GPC5: variants seen among roughly 807,000 people sequenced by gnomAD.
GPC5 encodes glypican 5.
In GPC5, 47 loss-of-function variants were observed where a neutral mutation model predicts 53.9. The ratio of observed to expected loss-of-function variants is 0.87; its 90% CI spans 0.69 to 1.11. The LOEUF is 1.11. Ranked by LOEUF, GPC5 falls within the 50% of genes most tolerant of loss-of-function variation. The probability of loss-of-function intolerance (pLI) is 0.00; values close to 1 mark genes in which losing one functional copy is unlikely to be tolerated. For synonymous variants in GPC5, 286 were observed against 263.3 expected (o/e 1.09, Z -0.84); for missense variants, 748 against 713.1 (o/e 1.05, Z -0.56).
At chr13:92,329,316 G>T (rs1657758204) in intron 7 of GPC5, among the ~76,000 whole-genome samples, 1 of 152,090 alleles carries the variant, frequency 6.6e-6, no homozygotes, top group Admixed American at 6.6e-5. Context: ...GCTAAAGCAG[G>T]TACATCACAT....
chr13:91,727,919 G>T (rs909757945), intron 3 of GPC5, among the ~76,000 whole-genome samples: 2 of 152,024 alleles, frequency 1.3e-5, no homozygotes, highest in African/African-American at 4.8e-5. Flanking sequence ...TACTGGATAA[G>T]TATTAAAGAA....
rs546859488 is a variant in GPC5, at chr13:92,067,651, T to G, written c.1402-77179T>G. On this transcript the variant is annotated intron_variant, in intron 6 of 7. Coordinates refer to ENST00000377067, the MANE Select transcript of GPC5 (RefSeq NM_004466.6). Reference sequence around the variant, plus strand: ...AACTCTTGGATTTCTAATTACTGTATTTATCAAGTTGTATATGCTGTCTAA... The same window carrying G: ...AACTCTTGGATTTCTAATTACTGTAGTTATCAAGTTGTATATGCTGTCTAA... 8.6e-4 allele frequency among the ~76,000 whole-genome samples: 131 copies of G among 152,116 alleles called. 1 individual carries two copies. In the Middle Eastern group the frequency reaches 0.034, roughly 39 times the overall value.
chr13:92,659,314 T>A (rs976489484), intron 7 of GPC5: 3 of 152,172 alleles, frequency 2.0e-5, no homozygotes, highest in Non-Finnish European at 4.4e-5. Context: ...TAGTTTCATA[T>A]ACAATTTGGA....
chr13:92,026,786 C>T lies in GPC5; in HGVS notation c.1402-118044C>T, dbSNP rs138642156. Among the ~76,000 whole-genome samples, 477 of 152,016 alleles carry T rather than the reference C, an allele frequency of 3.1e-3. 4 individuals carry two copies. Among genetic ancestry groups the T allele is most frequent in the African/African-American group, 0.011 (465 of 41,476 alleles). Reference sequence around the variant, plus strand: ...TGGTGGCTAGATATATATAGCTTACCACATTTTCGGAGGTGAAATAGGAAA... The same window carrying T: ...TGGTGGCTAGATATATATAGCTTACTACATTTTCGGAGGTGAAATAGGAAA... On this transcript the variant is annotated intron_variant, in intron 6 of 7. Transcript: ENST00000377067.
intron 7 of GPC5, among the ~76,000 whole-genome samples, chr13:92,279,260 G>A (rs772326765): frequency 6.6e-6 from 1 of 151,786 alleles, no homozygotes; most frequent in African/African-American, 2.4e-5. Flanking sequence ...TTCTTCCTAT[G>A]TATTGTTTCC....
chr13:92,476,564 A>T (rs9584030), intron 7 of GPC5, among the ~76,000 whole-genome samples: 1 of 150,230 alleles, frequency 6.7e-6, no homozygotes, highest in Non-Finnish European at 1.5e-5. Context: ...AAAGGATTAT[A>T]AATCATGCTG....
At chr13:91,582,425 GCAA>G (rs1335392183) in intron 2 of GPC5, among the ~76,000 whole-genome samples, 1 of 151,862 alleles carries the variant, frequency 6.6e-6, no homozygotes, top group African/African-American at 2.4e-5. Flanking sequence ...AACAACAGCA[GCAA>G]CAACAACAAC....
chr13:92,519,229 A>G (rs1880926417), intron 7 of GPC5, among the ~76,000 whole-genome samples: 1 of 152,192 alleles, frequency 6.6e-6, no homozygotes, highest in South Asian at 2.1e-4. Context: ...TGAGACAGAA[A>G]GTTAATAAGG....
chr13:92,201,013 A>ACACG, intron 7 of GPC5, among the ~76,000 whole-genome samples: 1 of 150,832 alleles, frequency 6.6e-6, no homozygotes, highest in Admixed American at 6.6e-5. Flanking sequence ...ACACACACGC[A>ACACG]CACACACGGG....
intron 7 of GPC5, among the ~76,000 whole-genome samples, chr13:92,595,817 T>C (rs908613348): frequency 5.3e-5 from 8 of 150,492 alleles, no homozygotes; most frequent in Admixed American, 2.6e-4. Context: ...TATGGAGTAA[T>C]CTTTTCGGTA....
intron 7 of GPC5, among the ~76,000 whole-genome samples, chr13:92,741,650 A>C (rs890097725): frequency 6.6e-6 from 1 of 152,046 alleles, no homozygotes; most frequent in African/African-American, 2.4e-5. Context: ...GGTTTGTTAC[A>C]TATGTATACA....
rs534739099 is a variant in GPC5, at chr13:92,830,214, C to A, written c.1562-36068C>A. Among the ~76,000 whole-genome samples the A allele has an allele frequency of 2.0e-4, 31 of 152,144 alleles. No homozygotes were observed. The East Asian group carries it at 5.0e-3, about 25-fold the overall frequency. ...GTCTTAAATCTAATTAATCATTTTC[C>A]ACATTGTTTTTTTTCGTGTTTTGTG... On this transcript the variant is annotated intron_variant, in intron 7 of 7. Transcript: ENST00000377067.
chr13:92,583,188 A>G (rs1424356178), intron 7 of GPC5, among the ~76,000 whole-genome samples: 4 of 152,180 alleles, frequency 2.6e-5, no homozygotes, highest in Non-Finnish European at 5.9e-5. Context: ...GAGAGCATCT[A>G]TCATGAATGG....
chr13:91,819,151 CTTTTTTTTTTTTTTTTT>C (rs386380203), intron 5 of GPC5, among the ~76,000 whole-genome samples: 1 of 58,046 alleles, frequency 1.7e-5, no homozygotes, highest in Non-Finnish European at 2.9e-5. Flanking sequence ...AAAATATGCG[CTTTTTTTTTTTTTTTTT>C]TTTTTTTTTG....
At chr13:91,778,828 T>C (rs953770632) in intron 5 of GPC5, among the ~76,000 whole-genome samples, 2 of 152,220 alleles carry the variant, frequency 1.3e-5, no homozygotes, top group South Asian at 4.1e-4. Flanking sequence ...TGGAATATTA[T>C]AGAGTGTATC....
At chr13:92,791,479 T>C (rs567601649) in intron 7 of GPC5, among the ~76,000 whole-genome samples, 7 of 151,748 alleles carry the variant, frequency 4.6e-5, no homozygotes, top group African/African-American at 1.7e-4. Flanking sequence ...GGGACAATAG[T>C]AGTCATCCAG....
intron 7 of GPC5, among the ~76,000 whole-genome samples, chr13:92,526,173 C>T (rs1405903909): frequency 6.6e-6 from 1 of 152,000 alleles, no homozygotes; most frequent in East Asian, 1.9e-4. Context: ...GGTATTGTTC[C>T]ACAGTATGGA....
intron 6 of GPC5, among the ~76,000 whole-genome samples, chr13:92,002,144 C>A (rs1409525997): frequency 1.8e-5 from 1 of 56,878 alleles, no homozygotes; most frequent in Non-Finnish European, 4.8e-5. Context: ...TGACAAAAAT[C>A]TGATTTGGTT....
At chr13:92,306,527 G>A (rs2043111911) in intron 7 of GPC5, among the ~76,000 whole-genome samples, 1 of 152,188 alleles carries the variant, frequency 6.6e-6, no homozygotes, top group African/African-American at 2.4e-5. Flanking sequence ...ACCCTAGCCA[G>A]ATGTGTCCTT....
Sources: allele counts gnomAD v4.1 joint callset (sites outside exome capture counted in the v4.1 genomes callset), GRCh38; gene constraint gnomAD v4.1.1; transcripts MANE v1.5; gene names NCBI Gene and HGNC (gene_info 2026-07-23, HGNC 2026-07-21).